Variants in ARHGAP22 observed in about 807,000 individuals in gnomAD.
The protein encoded by ARHGAP22 is rho GTPase-activating protein 22.
ARHGAP22 carries 48 observed loss-of-function variants against 59.1 expected under a neutral mutation model. That is an observed-to-expected ratio of 0.81 (90% confidence interval 0.64 to 1.03). The LOEUF is 1.03. Ranked by LOEUF, ARHGAP22 falls within the 50% of genes least tolerant of loss-of-function variation. The probability of loss-of-function intolerance (pLI) is 0.00; values close to 1 mark genes in which losing one functional copy is unlikely to be tolerated. For missense variants in ARHGAP22, 1,015 were observed against 958.7 expected, an observed-to-expected ratio of 1.06 and a Z score of -0.78; for synonymous variants, 445 against 416.4, an observed-to-expected ratio of 1.07 and a Z score of -0.84.
intron 3 of ARHGAP22, among the ~76,000 whole-genome samples, chr10:48,493,222 T>C (rs2050579911): frequency 6.6e-6 from 1 of 152,230 alleles, no homozygotes; most frequent in African/African-American, 2.4e-5. Context: ...ATGAGCCAGC[T>C]GGAGGTTCCT....
chr10:48,632,100 G>A (rs2061648451), intron 1 of ARHGAP22, among the ~76,000 whole-genome samples: 1 of 152,180 alleles, frequency 6.6e-6, no homozygotes, highest in African/African-American at 2.4e-5. Flanking sequence ...CCAATATGTA[G>A]TCTTTGGTCC....
At chr10:48,531,510 A>G (rs4838616) in intron 3 of ARHGAP22, among the ~76,000 whole-genome samples, 132,465 of 152,264 alleles carry the variant, frequency 0.87, 58,243 homozygotes, top group Non-Finnish European at 0.91. Context: ...GCTGAAACAT[A>G]GGAAGTGATG....
intron 4 of ARHGAP22, among the ~76,000 whole-genome samples, chr10:48,476,327 G>A (rs1406086503): frequency 7.9e-5 from 12 of 152,230 alleles, no homozygotes; most frequent in Admixed American, 7.9e-4. Context: ...CACTTCTCAA[G>A]GGGATGGCTG....
downstream of ARHGAP22, chr10:48,443,869 C>G (rs1308220521): frequency 6.6e-6 from 1 of 152,208 alleles, no homozygotes; most frequent in Admixed American, 6.5e-5. Context: ...TTCTCACACA[C>G]ACATACCCAT....
At chr10:48,618,857 A>G (rs1162179865) in intron 1 of ARHGAP22, among the ~76,000 whole-genome samples, 2 of 152,126 alleles carry the variant, frequency 1.3e-5, no homozygotes, top group African/African-American at 4.8e-5. Context: ...GCAATTAGGA[A>G]TAAATTGAGA....
At chr10:48,501,301 T>C (rs117664717) in intron 3 of ARHGAP22, among the ~76,000 whole-genome samples, 2,175 of 152,330 alleles carry the variant, frequency 0.014, 22 homozygotes, top group Middle Eastern at 0.024. Context: ...AGTTGTACTA[T>C]TTGTTACCTA....
At chr10:48,610,993 T>G (rs2060862301) in intron 1 of ARHGAP22, among the ~76,000 whole-genome samples, 1 of 152,216 alleles carries the variant, frequency 6.6e-6, no homozygotes, top group Non-Finnish European at 1.5e-5. Context: ...GCTTGCAGAC[T>G]CAATTTTAAG....
the ARHGAP22 span, chr10:48,429,975 TAAA>T: frequency 6.6e-6 from 1 of 152,236 alleles, no homozygotes; most frequent in African/African-American, 2.4e-5. Context: ...AAGAAGATGA[TAAA>T]TAGTGTTGAT....
chr10:48,630,158 CTCAGCTCA>C (rs2136088970), intron 1 of ARHGAP22, among the ~76,000 whole-genome samples: 1 of 152,276 alleles, frequency 6.6e-6, no homozygotes, highest in African/African-American at 2.4e-5. Context: ...GTGGCGCTAT[CTCAGCTCA>C]CTGCAACCTC....
intron 2 of ARHGAP22, among the ~76,000 whole-genome samples, chr10:48,577,800 GGTTTT>G (rs2058825853): frequency 9.5e-5 from 4 of 41,962 alleles, no homozygotes; most frequent in Admixed American, 3.0e-4. Context: ...GCTCTTTTTT[GGTTTT>G]TTTTTTTTTT....
intron 2 of ARHGAP22, among the ~76,000 whole-genome samples, chr10:48,578,499 T>C (rs960865315): frequency 6.0e-5 from 9 of 150,576 alleles, no homozygotes; most frequent in Non-Finnish European, 1.2e-4. Context: ...GTTTTCTCAT[T>C]AACTACAGAA....
intron 3 of ARHGAP22, among the ~76,000 whole-genome samples, chr10:48,495,625 G>GC: frequency 7.6e-6 from 1 of 131,578 alleles, no homozygotes; most frequent in Non-Finnish European, 1.8e-5. Context: ...CTCTGCAATG[G>GC]CCCCCGGTGA....
chr10:48,599,144 A>G (rs2060241851), intron 1 of ARHGAP22, among the ~76,000 whole-genome samples: 1 of 152,224 alleles, frequency 6.6e-6, no homozygotes, highest in South Asian at 2.1e-4. Context: ...CAGGGCTCCA[A>G]GCCACACGGG....
At chr10:48,523,631 GGCGGCGCAGGGCGCGCGCCGGGCTC>G (rs906437962) in intron 3 of ARHGAP22, among the ~76,000 whole-genome samples, 1 of 152,220 alleles carries the variant, frequency 6.6e-6, no homozygotes, top group African/African-American at 2.4e-5. Flanking sequence ...AAGCCGCAGG[GGCGGCGCAGGGCGCGCGCCGGGCTC>G]GCGGTGCAGA....
chr10:48,496,857 G>A (rs1167653829), intron 3 of ARHGAP22, among the ~76,000 whole-genome samples: 1 of 152,184 alleles, frequency 6.6e-6, no homozygotes, highest in Non-Finnish European at 1.5e-5. Context: ...CACCTCTGGA[G>A]ATTGGGGGGT....
intron 3 of ARHGAP22, among the ~76,000 whole-genome samples, chr10:48,536,707 C>A (rs2055391807): frequency 6.6e-6 from 1 of 152,258 alleles, no homozygotes. Flanking sequence ...GATAGACTCA[C>A]ATAGGACAGA....
intron 5 of ARHGAP22, among the ~76,000 whole-genome samples, chr10:48,458,925 G>T (rs2046850311): frequency 6.6e-6 from 1 of 152,278 alleles, no homozygotes; most frequent in African/African-American, 2.4e-5. Flanking sequence ...GGGGCTGAGT[G>T]TTCTGCCCCC....
the ARHGAP22 span, chr10:48,436,374 A>G: frequency 6.6e-6 from 1 of 152,232 alleles, no homozygotes; most frequent in Admixed American, 6.5e-5. Flanking sequence ...TTCTATCTGT[A>G]GAATTATTTC....
At chr10:48,529,266 G>A (rs1349805469) in intron 3 of ARHGAP22, among the ~76,000 whole-genome samples, 1 of 152,180 alleles carries the variant, frequency 6.6e-6, no homozygotes, top group African/African-American at 2.4e-5. Flanking sequence ...CAGGTTGGAG[G>A]AGTTGGAGAC....
Sources: gnomAD v4.1 joint callset for allele counts (sites outside exome capture counted in the v4.1 genomes callset) on GRCh38, gnomAD v4.1.1 for gene constraint, MANE v1.5 for transcripts, NCBI Gene and HGNC (gene_info 2026-07-23, HGNC 2026-07-21) for gene names.